The following EYS variants were observed in gnomAD, a reference collection of about 807,000 sequenced individuals.
The protein encoded by EYS is EGF-like photoreceptor maintenance factor, also known as protein eyes shut homolog.
Under a neutral mutation model 282.1 loss-of-function variants are expected in EYS, and 250 were observed. The observed-to-expected ratio is 0.89, with a 90% CI of 0.80 to 0.98. The LOEUF is 0.98. Ranked by LOEUF, EYS falls within the 50% of genes least tolerant of loss-of-function variation. The pLI, the probability that EYS is intolerant of heterozygous loss-of-function variation, is 0.00. For missense variants in EYS, 4,016 were observed against 3,709.0 expected, an observed-to-expected ratio of 1.08 and a Z score of -2.15; for synonymous variants, 1,355 against 1,282.9, an observed-to-expected ratio of 1.06 and a Z score of -1.20.
chr6:65,267,756 C>T (rs1295023969), intron 12 of EYS, among the ~76,000 whole-genome samples: 1 of 151,844 alleles, frequency 6.6e-6, no homozygotes, highest in African/African-American at 2.4e-5. Context: ...AATACCAAAA[C>T]TTTAAAATTC....
Position 65,689,333 on chromosome 6 carries a change from A to G in EYS, c.-448+17802T>C, listed in dbSNP as rs994521923. Reference sequence around the variant, plus strand: ...GGTGGGAATTGAACAATGAGAACACATGGACACAAGAAGGGGAACATCACA... The same window carrying G: ...GGTGGGAATTGAACAATGAGAACACGTGGACACAAGAAGGGGAACATCACA... On this transcript the variant is annotated intron_variant, in intron 1 of 42. Transcript: ENST00000503581. 1.6e-4 allele frequency among the ~76,000 whole-genome samples: 24 copies of G among 149,514 alleles called. 1 individual carries two copies. The highest frequency in any genetic ancestry group is 3.0e-4 in the Non-Finnish European group (20 of 67,538).
chr6:65,390,665 C>T (rs1765992319), intron 7 of EYS, among the ~76,000 whole-genome samples: 1 of 151,966 alleles, frequency 6.6e-6, no homozygotes, highest in Admixed American at 6.6e-5. Context: ...AGGAGGATCG[C>T]TTGACTCCAA....
chr6:64,253,327 T>C (rs1767284365), intron 30 of EYS, among the ~76,000 whole-genome samples: 1 of 152,074 alleles, frequency 6.6e-6, no homozygotes, highest in African/African-American at 2.4e-5. Flanking sequence ...AGAAATATTG[T>C]TGTAGATATC....
At chr6:64,956,271 C>G (rs564629209) in intron 14 of EYS, among the ~76,000 whole-genome samples, 4 of 152,214 alleles carry the variant, frequency 2.6e-5, no homozygotes, top group African/African-American at 9.6e-5. Flanking sequence ...GATTAGAGAA[C>G]CCAAAAACAA....
intron 19 of EYS, among the ~76,000 whole-genome samples, chr6:64,853,933 G>A (rs1765966094): frequency 6.6e-6 from 1 of 151,802 alleles, no homozygotes; most frequent in African/African-American, 2.4e-5. Flanking sequence ...TCAAAAAGTG[G>A]GTGAAGGATA....
chr6:64,257,374 T>G lies in EYS; in HGVS notation c.6192-26550A>C, dbSNP rs1767435595. Among the ~76,000 whole-genome samples, 4 of 152,068 alleles carry G rather than the reference T, an allele frequency of 2.6e-5. No individual in the cohort carries two copies. The South Asian group carries it at 8.3e-4, about 31-fold the overall frequency. On this transcript the variant is annotated intron_variant, in intron 30 of 42. Coordinates refer to ENST00000503581, the MANE Select transcript of EYS (RefSeq NM_001142800.2). Reference sequence around the variant, plus strand: ...TAGTAGTTGATAGTTGCTTGCTTTCTTTAAGCCATCACCCTTTTTACCATT... The same window carrying G: ...TAGTAGTTGATAGTTGCTTGCTTTCGTTAAGCCATCACCCTTTTTACCATT...
intron 32 of EYS, among the ~76,000 whole-genome samples, chr6:64,074,038 G>A: frequency 6.6e-6 from 1 of 151,680 alleles, no homozygotes; most frequent in East Asian, 1.9e-4. Flanking sequence ...TAGTTCTTTA[G>A]GCTTTTAGGC....
chr6:64,249,063 CAAA>C (rs34663169), intron 30 of EYS, among the ~76,000 whole-genome samples: 2 of 70,058 alleles, frequency 2.9e-5, no homozygotes, highest in Admixed American at 1.6e-4. Flanking sequence ...CACCCTGTCT[CAAA>C]AAAAAAAAAA....
At chr6:65,568,358 G>A (rs182702156) in intron 2 of EYS, among the ~76,000 whole-genome samples, 12 of 144,316 alleles carry the variant, frequency 8.3e-5, no homozygotes, top group Admixed American at 2.1e-4. Flanking sequence ...CTCATAACTC[G>A]TTGGAAAGTT....
rs1767733717 is a variant in EYS at position 65,530,636 on chromosome 6, T to G, written c.-332-34643A>C. Among the ~76,000 whole-genome samples the G allele has an allele frequency of 2.0e-5, 3 of 152,218 alleles. No homozygotes were observed. In the South Asian group the frequency reaches 6.2e-4, roughly 32 times the overall value. ...TACTCTGTTTTTCATGACTCATTTT[T>G]TTCTTATAATAAAATATACCTGCCA... On this transcript the variant is annotated intron_variant, in intron 2 of 42. Coordinates refer to ENST00000503581, the MANE Select transcript of EYS (RefSeq NM_001142800.2).
At chr6:64,054,142 AAAGG>A (rs1373243431) in intron 33 of EYS, among the ~76,000 whole-genome samples, 4 of 152,182 alleles carry the variant, frequency 2.6e-5, no homozygotes, top group Non-Finnish European at 5.9e-5. Context: ...ACATGAGTGA[AAAGG>A]AAGAGATCCT....
chr6:64,253,897 C>T (rs1767306262), intron 30 of EYS, among the ~76,000 whole-genome samples: 1 of 152,114 alleles, frequency 6.6e-6, no homozygotes, highest in Non-Finnish European at 1.5e-5. Context: ...GTGGTGAAGC[C>T]ATCAGTTGTG....
At chr6:64,756,980 T>C (rs1772959132) in intron 22 of EYS, among the ~76,000 whole-genome samples, 1 of 152,084 alleles carries the variant, frequency 6.6e-6, no homozygotes, top group African/African-American at 2.4e-5. Context: ...TAGGCTCATT[T>C]ATATCCCTTC....
chr6:65,017,702 T>A (rs1772099671), intron 13 of EYS, among the ~76,000 whole-genome samples: 1 of 152,212 alleles, frequency 6.6e-6, no homozygotes. Context: ...CACTCATATC[T>A]GAGCACAGAC....
chr6:64,438,465 T>C (rs1774823919), intron 27 of EYS, among the ~76,000 whole-genome samples: 1 of 151,694 alleles, frequency 6.6e-6, no homozygotes, highest in South Asian at 2.1e-4. Flanking sequence ...TAACACCCCT[T>C]GCCTACAGAA....
chr6:63,996,695 C>G lies in EYS; in HGVS notation c.6834+2380G>C, dbSNP rs547875865. 2.0e-5 allele frequency among the ~76,000 whole-genome samples: 3 copies of G among 152,180 alleles called. No individual in the cohort carries two copies. The South Asian group carries it at 6.2e-4, about 32-fold the overall frequency. The stretch of plus-strand genomic sequence containing the variant: ...TAGCTGTGTGATCTTGGGCAGGAAA[C>G]TCATCCTCGTGCTTTATTTTCCTTC... On this transcript the variant is annotated intron_variant, in intron 34 of 42. Transcript: ENST00000503581.
At chr6:65,552,882 C>G (rs1475736491) in intron 2 of EYS, among the ~76,000 whole-genome samples, 4 of 151,992 alleles carry the variant, frequency 2.6e-5, no homozygotes, top group Admixed American at 2.6e-4. Context: ...GAGGCAAAAG[C>G]CTTTCAGTTC....
chr6:64,385,795 T>G (rs1323631185), intron 29 of EYS, among the ~76,000 whole-genome samples: 2 of 71,544 alleles, frequency 2.8e-5, no homozygotes, highest in East Asian at 5.4e-4. Flanking sequence ...ATTTGATTTT[T>G]GTTAACATTT....
At chr6:64,101,503 G>A (rs1772825880) in intron 31 of EYS, among the ~76,000 whole-genome samples, 1 of 151,776 alleles carries the variant, frequency 6.6e-6, no homozygotes, top group Non-Finnish European at 1.5e-5. Context: ...AAAATGTTTT[G>A]AGAACAAAAA....
Sources: gnomAD v4.1 joint callset for allele counts (sites outside exome capture counted in the v4.1 genomes callset) on GRCh38, gnomAD v4.1.1 for gene constraint, MANE v1.5 for transcripts, NCBI Gene and HGNC (gene_info 2026-07-23, HGNC 2026-07-21) for gene names.